The following N4BP1 variants were observed in gnomAD, a reference collection of about 807,000 sequenced individuals.
The protein encoded by N4BP1 is NEDD4 binding protein 1.
N4BP1 carries 21 observed loss-of-function variants against 70.9 expected under a neutral mutation model. That is an observed-to-expected ratio of 0.30 (90% confidence interval 0.21 to 0.43). N4BP1 has a LOEUF of 0.43. Ranked by LOEUF, N4BP1 falls within the 20% of genes least tolerant of loss-of-function variation. The probability of loss-of-function intolerance (pLI) is 1.00; values close to 1 mark genes in which losing one functional copy is unlikely to be tolerated. For synonymous variants in N4BP1, 387 were observed against 394.6 expected, an observed-to-expected ratio of 0.98 and a Z score of 0.23; for missense variants, 936 against 1,069.4, an observed-to-expected ratio of 0.88 and a Z score of 1.74.
chr16:48,546,848 G>A (rs1405381294), intron 5 of N4BP1, among the ~76,000 whole-genome samples: 1 of 152,190 alleles, frequency 6.6e-6, no homozygotes, highest in Non-Finnish European at 1.5e-5. Flanking sequence ...CAACAGCTTG[G>A]CTGGAGAACA....
intron 4 of N4BP1, among the ~76,000 whole-genome samples, chr16:48,550,553 C>A (rs189730883): frequency 1.2e-4 from 19 of 152,136 alleles, no homozygotes; most frequent in Non-Finnish European, 2.2e-4. Flanking sequence ...CAGACTAAAT[C>A]TTGGTGACTC....
At chr16:48,586,538 ATATACTCTT>A (rs1487680066) in intron 1 of N4BP1, among the ~76,000 whole-genome samples, 2 of 152,196 alleles carry the variant, frequency 1.3e-5, no homozygotes, top group African/African-American at 4.8e-5. Context: ...ACAACAGTAT[ATATACTCTT>A]TTAGTAAGGC....
chr16:48,548,692 AC>A (rs1339268724), intron 4 of N4BP1, among the ~76,000 whole-genome samples: 1 of 152,102 alleles, frequency 6.6e-6, no homozygotes, highest in Non-Finnish European at 1.5e-5. Context: ...ACAAAAAAAT[AC>A]AAAAAATTAG....
chr16:48,591,898 T>TTTC (rs57352767), intron 1 of N4BP1, among the ~76,000 whole-genome samples: 53,325 of 148,870 alleles, frequency 0.36, 10,592 homozygotes, highest in African/African-American at 0.53. Flanking sequence ...TTTTTTTTTT[T>TTTC]TCCAAGTTTT....
At chr16:48,560,707 T>C (rs764082189) in intron 2 of N4BP1, 47 bp downstream of exon 2, 5 of 1,548,580 alleles carry the variant, frequency 3.2e-6, no homozygotes, top group South Asian at 1.3e-5. Flanking sequence ...TGAGACACCA[T>C]TTAGAGCCCT....
At chr16:48,582,236 T>C (rs1314566579) in intron 1 of N4BP1, among the ~76,000 whole-genome samples, 1 of 152,208 alleles carries the variant, frequency 6.6e-6, no homozygotes, top group Non-Finnish European at 1.5e-5. Flanking sequence ...GTCAAGCATG[T>C]TATGAAAATA....
Position 48,560,819 on chromosome 16 carries a change from T to A in N4BP1, c.1824A>T (p.Leu608Phe). 2 of 1,613,754 alleles carry A rather than the reference T, an allele frequency of 1.2e-6. No homozygotes were observed. Among genetic ancestry groups the A allele is most frequent in the Non-Finnish European group, 1.7e-6 (2 of 1,179,800 alleles). Residue 608 changes from leucine to phenylalanine, a missense_variant, in exon 2 of 7, where the codon TTA becomes TTT. By Grantham distance (22) the Leu-to-Phe change is conservative. Around this residue, in one of 4 missense-constraint regions of N4BP1, gnomAD observed 515 missense variants for 491.7 expected, o/e 1.05. Transcript: ENST00000262384. ...DTLKIPYKLE[L>F]KNEPGRTDLK... Reference sequence around the variant, plus strand: ...AATCCGTTCTCCCTGGTTCATTTTTTAATTCCAGCTTGTAGGGTATTTTTA... The same window carrying A: ...AATCCGTTCTCCCTGGTTCATTTTTAAATTCCAGCTTGTAGGGTATTTTTA...
chr16:48,570,611 C>T (rs140927775), intron 1 of N4BP1, among the ~76,000 whole-genome samples: 3,151 of 151,990 alleles, frequency 0.021, 112 homozygotes, highest in African/African-American at 0.07. Context: ...CCTCCCAAAG[C>T]GCTGGGATTA....
At chr16:48,595,381 C>T (rs1032607122) in intron 1 of N4BP1, among the ~76,000 whole-genome samples, 1 of 132,346 alleles carries the variant, frequency 7.6e-6, no homozygotes, top group African/African-American at 2.9e-5. Flanking sequence ...TGCTTGAACC[C>T]AGGGGGCAGA....
chr16:48,564,078 A>G (rs1963901996), intron 1 of N4BP1, among the ~76,000 whole-genome samples: 1 of 151,966 alleles, frequency 6.6e-6, no homozygotes, highest in East Asian at 1.9e-4. Flanking sequence ...CTATTTTCTA[A>G]TTGTTTTTTT....
chr16:48,566,153 T>C (rs1170941358), intron 1 of N4BP1, among the ~76,000 whole-genome samples: 2 of 152,118 alleles, frequency 1.3e-5, no homozygotes, highest in Admixed American at 1.3e-4. Context: ...TTTGGGCTTA[T>C]TCTGCTCTTC....
intron 1 of N4BP1, among the ~76,000 whole-genome samples, chr16:48,583,908 G>C (rs1257927743): frequency 2.0e-5 from 3 of 152,162 alleles, no homozygotes; most frequent in African/African-American, 7.2e-5. Flanking sequence ...TTAAACCCAA[G>C]CATGTCTCAT....
intron 1 of N4BP1, among the ~76,000 whole-genome samples, chr16:48,594,001 C>CAAAAAAAAA (rs750355255): frequency 9.4e-5 from 4 of 42,528 alleles, no homozygotes; most frequent in African/African-American, 2.6e-4. Flanking sequence ...GACTCCGTCT[C>CAAAAAAAAA]AAAAAAAAAA....
chr16:48,555,217 C>T (rs1252071230), intron 2 of N4BP1, among the ~76,000 whole-genome samples: 2 of 152,152 alleles, frequency 1.3e-5, no homozygotes, highest in South Asian at 2.1e-4. Context: ...GTATGGTGCA[C>T]GAGAATCACA....
rs554036071 is a variant in N4BP1 at position 48,596,128 on chromosome 16, A to C, written c.198+13647T>G. Among the ~76,000 whole-genome samples, 7 of 152,372 alleles carry C rather than the reference A, an allele frequency of 4.6e-5. No homozygotes were observed. In the East Asian group the frequency reaches 1.3e-3, roughly 29 times the overall value. On this transcript the variant is annotated intron_variant, in intron 1 of 6. Transcript: ENST00000262384. ...GTCCTATCATGATTTGTTTTTAATA[A>C]AAATAAGGACTAGGAGAGAAACGTG...
At chr16:48,589,436 T>A (rs368958818) in intron 1 of N4BP1, among the ~76,000 whole-genome samples, 25 of 152,270 alleles carry the variant, frequency 1.6e-4, no homozygotes, top group East Asian at 9.6e-4. Flanking sequence ...CCAAATGGAC[T>A]GGCTTTGGAG....
chr16:48,570,745 T>C (rs1307991495), intron 1 of N4BP1, among the ~76,000 whole-genome samples: 3 of 152,372 alleles, frequency 2.0e-5, no homozygotes, highest in East Asian at 3.9e-4. Context: ...GCCCGGGTTT[T>C]ACTGCTGTAT....
chr16:48,594,666 G>A (rs1412056134), intron 1 of N4BP1, among the ~76,000 whole-genome samples: 1 of 152,136 alleles, frequency 6.6e-6, no homozygotes, highest in Non-Finnish European at 1.5e-5. Flanking sequence ...GATATCCAGT[G>A]TTTTCAACAA....
intron 1 of N4BP1, among the ~76,000 whole-genome samples, chr16:48,565,102 A>T (rs568685294): frequency 1.3e-5 from 2 of 152,372 alleles, no homozygotes; most frequent in South Asian, 4.1e-4. Flanking sequence ...TCCTACACAG[A>T]CAATTGTATC....
Sources: gnomAD v4.1 joint callset for allele counts (sites outside exome capture counted in the v4.1 genomes callset) on GRCh38, gnomAD v4.1.1 for gene constraint, gnomAD v4.1.1 regional missense constraint, MANE v1.5 for transcripts, NCBI Gene and HGNC (gene_info 2026-07-23, HGNC 2026-07-21) for gene names.